MICAL3: variants seen among roughly 807,000 people sequenced by gnomAD.
The protein encoded by MICAL3 is [F-actin]-monooxygenase MICAL3.
In MICAL3, 62 loss-of-function variants were observed where a neutral mutation model predicts 207.4. That is an observed-to-expected ratio of 0.30 (90% CI 0.24 to 0.37). The LOEUF (loss-of-function observed/expected upper bound fraction) is 0.37, where lower values mean the gene tolerates loss of function less well. MICAL3 is among the 10% of genes least tolerant of loss of function. The pLI is 1.00. For missense variants in MICAL3, 2,368 were observed against 2,635.6 expected, an observed-to-expected ratio of 0.90 and a Z score of 2.22; for synonymous variants, 1,077 against 1,069.3, an observed-to-expected ratio of 1.01 and a Z score of -0.14.
intron 1 of MICAL3, among the ~76,000 whole-genome samples, chr22:17,936,550 T>C (rs1169600621): frequency 1.3e-5 from 2 of 150,816 alleles, no homozygotes; most frequent in Non-Finnish European, 1.5e-5. Flanking sequence ...GTTGTGCACA[T>C]GTACCCTAGA....
At chr22:17,946,899 A>G (rs1934096233) in intron 1 of MICAL3, among the ~76,000 whole-genome samples, 1 of 152,130 alleles carries the variant, frequency 6.6e-6, no homozygotes. Flanking sequence ...TCTCCAGCAA[A>G]GGGCCCAGCT....
intron 1 of MICAL3, among the ~76,000 whole-genome samples, chr22:18,007,719 C>A (rs1923478106): frequency 6.7e-6 from 1 of 148,850 alleles, no homozygotes; most frequent in East Asian, 2.0e-4. Flanking sequence ...TTTGGGAGGC[C>A]GAGGCGGGTG....
chr22:17,887,589 C>T lies in MICAL3; in HGVS notation c.1892-154G>A, dbSNP rs555765315. On this transcript the variant is annotated intron_variant, in intron 13 of 31. Transcript: ENST00000441493. ...ACAAGCATGTGGTCTCAGTAGGAAA[C>T]GCCACGGAGGAAATGCATACTTGGG... Among the ~76,000 whole-genome samples, 78 of 152,330 alleles carry T rather than the reference C, an allele frequency of 5.1e-4. No homozygotes were observed. The South Asian group carries it at 5.6e-3, about 11-fold the overall frequency.
intron 1 of MICAL3, among the ~76,000 whole-genome samples, chr22:17,937,643 A>G (rs1268283654): frequency 1.3e-5 from 2 of 152,262 alleles, no homozygotes; most frequent in Non-Finnish European, 2.9e-5. Context: ...AGCCTGGGAA[A>G]GAAGAGTGAA....
At chr22:17,911,451 A>G (rs1171286634) in intron 1 of MICAL3, among the ~76,000 whole-genome samples, 1 of 152,186 alleles carries the variant, frequency 6.6e-6, no homozygotes, top group Admixed American at 6.5e-5. Context: ...CGAACGTGCA[A>G]ATTTCTGAAT....
At chr22:17,985,737 T>C (rs575753010) in intron 1 of MICAL3, among the ~76,000 whole-genome samples, 47 of 152,208 alleles carry the variant, frequency 3.1e-4, no homozygotes, top group African/African-American at 1.1e-3. Flanking sequence ...AGCAGCAGAA[T>C]CGAGGCTTTC....
chr22:17,978,411 C>T (rs1027315590), intron 1 of MICAL3, among the ~76,000 whole-genome samples: 4 of 152,150 alleles, frequency 2.6e-5, no homozygotes, highest in African/African-American at 9.7e-5. Flanking sequence ...ACAGTAACTC[C>T]TATGGGTACA....
At chr22:17,905,351 A>T (rs768727028) in intron 2 of MICAL3, among the ~76,000 whole-genome samples, 1 of 152,208 alleles carries the variant, frequency 6.6e-6, no homozygotes, top group African/African-American at 2.4e-5. Context: ...TGTGCTAATA[A>T]GAGTTCCAAA....
rs915455487 is a variant in MICAL3, at chr22:17,796,783, A to T, written c.5651-5482T>A. 6.6e-6 allele frequency among the ~76,000 whole-genome samples: 1 copy of T among 152,066 alleles called. No homozygotes were observed. Among genetic ancestry groups the T allele is most frequent in the Admixed American group, 6.5e-5 (1 of 15,272 alleles). On this transcript the variant is annotated intron_variant, in intron 29 of 31. Transcript: ENST00000441493. The surrounding 1 kb of genome is among the most constrained non-coding windows in gnomAD (Gnocchi z 4.4). ...GGGAGACAGTGAAGGCAGGACCTGA[A>T]TCCAGGCCTGGCCTTCCTAAGTCGG...
intron 1 of MICAL3, among the ~76,000 whole-genome samples, chr22:17,929,245 T>C (rs910755757): frequency 1.4e-5 from 2 of 147,540 alleles, no homozygotes. Flanking sequence ...ACTACAGATG[T>C]GCACCACCAC....
chr22:17,902,070 C>G lies in MICAL3; in HGVS notation c.590-91G>C. 2 of 911,314 alleles carry G rather than the reference C, an allele frequency of 2.2e-6. No individual in the cohort carries two copies. The highest frequency in any genetic ancestry group is 4.4e-5 in the Admixed American group (2 of 44,950). The allele number at this position is 911,314 out of a possible 1,614,324, so 56.5% of individuals were successfully genotyped here. A position where few individuals can be genotyped will look rare whatever the true frequency, so the allele number is the denominator to read the frequency against. On this transcript the variant is annotated intron_variant, in intron 4 of 31. Transcript: ENST00000441493. The surrounding 1 kb of genome is among the most constrained non-coding windows in gnomAD (Gnocchi z 4.5). ...TAGATACCCAGTCATGTGAACTGCA[C>G]AAAACCCTGGGCCAAAAACACTATG...
At chr22:17,966,675 G>A (rs544548277) in intron 1 of MICAL3, among the ~76,000 whole-genome samples, 3 of 152,194 alleles carry the variant, frequency 2.0e-5, no homozygotes, top group Non-Finnish European at 4.4e-5. Context: ...GATAAAGACA[G>A]TACCAACTGT....
intron 8 of MICAL3, 84 bp downstream of exon 8, chr22:17,896,640 G>A (rs566533282): frequency 1.7e-5 from 24 of 1,399,744 alleles, no homozygotes; most frequent in African/African-American, 1.1e-4. Context: ...CACTGCAGAC[G>A]CTCATTCCAA....
chr22:17,872,805 A>T, intron 16 of MICAL3: 4 of 1,613,826 alleles, frequency 2.5e-6, no homozygotes, highest in Non-Finnish European at 3.4e-6. Context: ...CTGATTGGCT[A>T]TCTGCTCAGC....
At position 17,812,544 on chromosome 22, in the gene MICAL3, G is replaced by A. The variant is rs1017707299; in HGVS notation, c.5446-1731C>T. 5.1e-6 allele frequency: 5 copies of A among 985,586 alleles called. No homozygotes were observed. The African/African-American group carries it at 8.7e-5, about 17-fold the overall frequency. 61.1% of individuals were successfully genotyped at this position (985,586 alleles called of 1,614,324 possible). ...TGATCTCCTGAATGCCAAGGCGTGT[G>A]GTACATAAATTGACTTTTAAGCGGA... is the stretch of plus-strand genomic sequence containing the variant. On this transcript the variant is annotated intron_variant, in intron 27 of 31. Coordinates refer to ENST00000441493, the MANE Select transcript of MICAL3 (RefSeq NM_015241.3).
intron 1 of MICAL3, among the ~76,000 whole-genome samples, chr22:17,969,990 C>T (rs554928100): frequency 5.3e-5 from 8 of 152,338 alleles, no homozygotes; most frequent in Non-Finnish European, 1.0e-4. Context: ...GCCACATAGT[C>T]GGTAATCAGA....
intron 16 of MICAL3, chr22:17,875,434 T>C: frequency 6.5e-7 from 1 of 1,532,324 alleles, no homozygotes; most frequent in Non-Finnish European, 8.8e-7. Context: ...TAGTGAGTCC[T>C]AGGCCATGCT....
At chr22:17,894,420 A>C (rs1482739335) in intron 10 of MICAL3, among the ~76,000 whole-genome samples, 1 of 151,830 alleles carries the variant, frequency 6.6e-6, no homozygotes, top group African/African-American at 2.4e-5. Context: ...AGAAAAAAGA[A>C]AAGAGAGAAA....
intron 15 of MICAL3, among the ~76,000 whole-genome samples, chr22:17,886,270 C>T (rs1353904077): frequency 6.6e-6 from 1 of 152,210 alleles, no homozygotes; most frequent in East Asian, 1.9e-4. Flanking sequence ...GAAGCCACTG[C>T]CCTCGAACAC....
Sources: allele counts gnomAD v4.1 joint callset (sites outside exome capture counted in the v4.1 genomes callset), GRCh38; gene constraint gnomAD v4.1.1; non-coding constraint Gnocchi (gnomAD v3.1); transcripts MANE v1.5; gene names NCBI Gene and HGNC (gene_info 2026-07-23, HGNC 2026-07-21).